Variants in EMC2 observed in about 807,000 individuals in gnomAD.
EMC2 encodes TPR repeat protein 35.
EMC2 carries 37 observed loss-of-function variants against 51.6 expected under a neutral mutation model. That is an observed-to-expected ratio of 0.72 (90% CI 0.55 to 0.94). The LOEUF (loss-of-function observed/expected upper bound fraction) is 0.94, where lower values mean the gene tolerates loss of function less well. Ranked by LOEUF, EMC2 falls within the 40% of genes least tolerant of loss-of-function variation. EMC2 has a pLI of 0.00. For synonymous variants in EMC2, 131 were observed against 112.4 expected (o/e 1.17, Z -1.04); for missense variants, 359 against 350.9 (o/e 1.02, Z -0.18).
At chr8:108,456,332 C>CAAAAAAAAAAAAAAAAAAA (rs869162246) in intron 5 of EMC2, among the ~76,000 whole-genome samples, 5 of 23,606 alleles carry the variant, frequency 2.1e-4, no homozygotes, top group Non-Finnish European at 3.1e-4. Flanking sequence ...GACTTCGTGT[C>CAAAAAAAAAAAAAAAAAAA]AAAAAAAAAA....
chr8:108,482,556 A>C (rs1362730607), intron 10 of EMC2, among the ~76,000 whole-genome samples: 1 of 151,778 alleles, frequency 6.6e-6, no homozygotes, highest in Non-Finnish European at 1.5e-5. Flanking sequence ...TCCACAACCC[A>C]TTTGGAATTG....
intron 4 of EMC2, among the ~76,000 whole-genome samples, chr8:108,455,271 G>A (rs1819122993): frequency 6.6e-6 from 1 of 151,600 alleles, no homozygotes; most frequent in Non-Finnish European, 1.5e-5. Flanking sequence ...TTTCAATTTT[G>A]AAAGTTTGTA....
chr8:108,448,162 G>A (rs896181300), intron 1 of EMC2, among the ~76,000 whole-genome samples: 11 of 152,046 alleles, frequency 7.2e-5, no homozygotes, highest in Non-Finnish European at 1.5e-4. Flanking sequence ...TACGAACCAA[G>A]CAACTTTATA....
chr8:108,448,104 C>G (rs1463703426), intron 1 of EMC2, among the ~76,000 whole-genome samples: 1 of 152,002 alleles, frequency 6.6e-6, no homozygotes, highest in African/African-American at 2.4e-5. Context: ...ATACCCTTAT[C>G]TAAGGGTAAT....
intron 10 of EMC2, among the ~76,000 whole-genome samples, chr8:108,482,819 A>G (rs1363132186): frequency 6.6e-6 from 1 of 152,020 alleles, no homozygotes; most frequent in Non-Finnish European, 1.5e-5. Flanking sequence ...CCTGGCCTCA[A>G]GTAATCCTCC....
At chr8:108,474,639 G>C (rs1452215541) in intron 7 of EMC2, 1 of 151,582 alleles carries the variant, frequency 6.6e-6, no homozygotes, top group Admixed American at 6.6e-5. Flanking sequence ...TAATCTGCAG[G>C]GTGTATTTTT....
At chr8:108,485,432 T>A (rs1029864265) in intron 10 of EMC2, among the ~76,000 whole-genome samples, 2 of 145,322 alleles carry the variant, frequency 1.4e-5, no homozygotes, top group African/African-American at 5.0e-5. Flanking sequence ...AATATATACA[T>A]AATATATAAT....
chr8:108,462,222 T>TGTGTGTGTGTGTGTGTGTGC (rs71303986), intron 5 of EMC2, among the ~76,000 whole-genome samples: 35,623 of 151,456 alleles, frequency 0.24, 4,787 homozygotes, highest in East Asian at 0.39. Flanking sequence ...TTTGTGTGCG[T>TGTGTGTGTGTGTGTGTGTGC]GTGTGTGTAT....
At chr8:108,450,053 C>T in intron 2 of EMC2, 117 bp downstream of exon 2, 1 of 503,278 alleles carries the variant, frequency 2.0e-6, no homozygotes, top group South Asian at 3.4e-5. Context: ...TTCTTTGTGA[C>T]TTTTTGTCCC....
At chr8:108,450,368 T>G in intron 2 of EMC2, 60 bp from the exon 3 acceptor site, 1 of 934,132 alleles carries the variant, frequency 1.1e-6, no homozygotes, top group Non-Finnish European at 1.8e-6. Context: ...ATTCATTAAT[T>G]TCCATTTGGG....
chr8:108,485,442 T>TATATA (rs1811117015), intron 10 of EMC2, among the ~76,000 whole-genome samples: 2 of 135,810 alleles, frequency 1.5e-5, no homozygotes, highest in Non-Finnish European at 3.2e-5. Flanking sequence ...TAATATATAA[T>TATATA]TAATATATAT....
chr8:108,484,996 G>A (rs911891860), intron 10 of EMC2, among the ~76,000 whole-genome samples: 1 of 151,706 alleles, frequency 6.6e-6, no homozygotes, highest in African/African-American at 2.4e-5. Flanking sequence ...TTTTCCTCTG[G>A]CATTTCCCCT....
intron 5 of EMC2, among the ~76,000 whole-genome samples, chr8:108,456,351 A>C (rs994405029): frequency 2.0e-5 from 3 of 150,690 alleles, no homozygotes; most frequent in Non-Finnish European, 4.4e-5. Flanking sequence ...AAAAAAAGAA[A>C]AAAAAAAAAA....
intron 10 of EMC2, among the ~76,000 whole-genome samples, chr8:108,480,686 C>A (rs1213947579): frequency 1.3e-5 from 2 of 152,110 alleles, no homozygotes; most frequent in East Asian, 3.9e-4. Context: ...TCACTCCTTT[C>A]CTCACCCCTC....
rs116533938 is a variant in EMC2 at position 108,453,469 on chromosome 8, C to T, written c.305+322C>T. Among the ~76,000 whole-genome samples, 1,205 of 152,052 alleles carry T rather than the reference C, an allele frequency of 7.9e-3. 15 individuals are homozygous for T. The highest frequency in any genetic ancestry group is 0.028 in the African/African-American group (1,152 of 41,478). ...AGATATATGTGCTGTGAATATTTCT[C>T]CCTATTCTCTTGCTTGAATATTTTA... On this transcript the variant is annotated intron_variant, in intron 4 of 10. Transcript: ENST00000220853.
chr8:108,471,361 T>C (rs1280450412), intron 7 of EMC2, among the ~76,000 whole-genome samples: 1 of 151,906 alleles, frequency 6.6e-6, no homozygotes, highest in African/African-American at 2.4e-5. Flanking sequence ...TTCTAAAGAT[T>C]TTCTGACTAA....
At chr8:108,483,513 T>G (rs1426728907) in intron 10 of EMC2, among the ~76,000 whole-genome samples, 1 of 152,236 alleles carries the variant, frequency 6.6e-6, no homozygotes, top group Non-Finnish European at 1.5e-5. Context: ...GTGTCTGGCT[T>G]CTTTCACTCA....
At chr8:108,445,491 C>T (rs993348284) in intron 1 of EMC2, among the ~76,000 whole-genome samples, 18 of 152,006 alleles carry the variant, frequency 1.2e-4, no homozygotes, top group African/African-American at 4.4e-4. Context: ...CTCTTGCCCC[C>T]ATTAAACTTT....
intron 10 of EMC2, among the ~76,000 whole-genome samples, 200 bp downstream of exon 10, chr8:108,479,310 AT>A (rs1337932061): frequency 6.6e-5 from 10 of 152,084 alleles, no homozygotes; most frequent in African/African-American, 2.4e-4. Flanking sequence ...TAGTATTATT[AT>A]TTCATAATTA....
Sources: gnomAD v4.1 joint callset for allele counts (sites outside exome capture counted in the v4.1 genomes callset) on GRCh38, gnomAD v4.1.1 for gene constraint, MANE v1.5 for transcripts, NCBI Gene and HGNC (gene_info 2026-07-23, HGNC 2026-07-21) for gene names.